Variants in WDPCP observed in about 807,000 individuals in gnomAD.
WDPCP encodes WD repeat-containing and planar cell polarity effector protein fritz homolog.
In WDPCP, 71 loss-of-function variants were observed where a neutral mutation model predicts 93.1. That is an observed-to-expected ratio of 0.76 (90% CI 0.63 to 0.93). The LOEUF (loss-of-function observed/expected upper bound fraction) is 0.93. Among genes scored for constraint, WDPCP ranks in the 40% least tolerant of loss-of-function variants. The pLI is 0.00. For missense variants in WDPCP, 844 were observed against 887.4 expected (o/e 0.95, Z 0.62); for synonymous variants, 315 against 315.0 (o/e 1.00, Z 0.00).
Position 63,575,467 on chromosome 2 carries a change from G to GTATGCACTGTGTATA in WDPCP, c.75+12729_75+12730insTATACACAGTGCATA, listed in dbSNP as rs1558832897. ...TATACACTGTATATACAGTATATAT[G>GTATGCACTGTGTATA]CAGTATATACAGTGTATATATAGTA... On this transcript the variant is annotated intron_variant, in intron 1 of 17. Transcript: ENST00000272321. 2.9e-4 allele frequency among the ~76,000 whole-genome samples: 2 copies of GTATGCACTGTGTATA among 6,842 alleles called. 1 individual carries two copies. The highest frequency in any genetic ancestry group is 5.0e-4 in the Non-Finnish European group (2 of 4,006). 4.5% of individuals were successfully genotyped at this position (6,842 alleles called of 152,430 possible). A position where few individuals can be genotyped will look rare whatever the true frequency, so the allele number is the denominator to read the frequency against.
chr2:63,177,540 T>C (rs1673906055), intron 14 of WDPCP, among the ~76,000 whole-genome samples: 1 of 152,198 alleles, frequency 6.6e-6, no homozygotes, highest in African/African-American at 2.4e-5. Context: ...GATTGCTCAT[T>C]TTTAGTGTCA....
intron 12 of WDPCP, among the ~76,000 whole-genome samples, chr2:63,328,278 G>A (rs550748593): frequency 2.4e-5 from 3 of 127,482 alleles, no homozygotes; most frequent in South Asian, 2.6e-4. Context: ...CAGGCCACCC[G>A]AGCCAGCAGT....
At chr2:63,836,211 A>G in the WDPCP span, among the ~76,000 whole-genome samples, 1 of 152,218 alleles carries the variant, frequency 6.6e-6, no homozygotes, top group Non-Finnish European at 1.5e-5. Flanking sequence ...CTTAAAATAC[A>G]TTCCCTGAGA....
At chr2:63,384,141 G>A (rs2104927618) in intron 10 of WDPCP, among the ~76,000 whole-genome samples, 1 of 152,094 alleles carries the variant, frequency 6.6e-6, no homozygotes, top group South Asian at 2.1e-4. Context: ...TTGAATTAAA[G>A]TAAGACCCAA....
At chr2:63,273,829 A>ACACG (rs1682860785) in intron 13 of WDPCP, among the ~76,000 whole-genome samples, 2 of 150,224 alleles carry the variant, frequency 1.3e-5, no homozygotes, top group Admixed American at 1.3e-4. Flanking sequence ...ACACACACGC[A>ACACG]CACACACACA....
At chr2:63,209,676 G>C (rs1243548002) in intron 14 of WDPCP, among the ~76,000 whole-genome samples, 1 of 152,122 alleles carries the variant, frequency 6.6e-6, no homozygotes, top group Non-Finnish European at 1.5e-5. Context: ...GAGGTTCCAG[G>C]GGATTAAAAT....
chr2:63,294,985 T>C (rs1684734942), intron 13 of WDPCP, among the ~76,000 whole-genome samples: 1 of 152,168 alleles, frequency 6.6e-6, no homozygotes, highest in African/African-American at 2.4e-5. Flanking sequence ...TGTAACAAAG[T>C]AGTTTTGTGA....
intron 1 of WDPCP, among the ~76,000 whole-genome samples, chr2:63,503,786 C>A (rs557661485): frequency 5.9e-5 from 9 of 151,412 alleles, no homozygotes; most frequent in African/African-American, 2.2e-4. Context: ...AAAATAAAGG[C>A]AAGAGAACAC....
chr2:63,332,092 A>T (rs1002908690), intron 12 of WDPCP, among the ~76,000 whole-genome samples: 1 of 150,470 alleles, frequency 6.6e-6, no homozygotes, highest in African/African-American at 2.4e-5. Context: ...ACATATATAT[A>T]TGTGTGTGTG....
rs767629131 is a variant in WDPCP, at chr2:63,174,844, G to T, written c.1916-12C>A. ...GGGTCCCAGGAGTTCTGTTGAAAAT[G>T]ATTAATATGTGAGTGAAATACTAAG... is the stretch of plus-strand genomic sequence containing the variant. On this transcript the variant is annotated splice_polypyrimidine_tract_variant and intron_variant, in intron 14 of 17. Transcript: ENST00000272321. The T allele has an allele frequency of 6.2e-7, 1 of 1,612,748 alleles. No homozygotes were observed. Among genetic ancestry groups the T allele is most frequent in the African/African-American group, 1.3e-5 (1 of 74,988 alleles).
intron 2 of WDPCP, among the ~76,000 whole-genome samples, chr2:63,731,674 A>C (rs751865545): frequency 2.0e-5 from 3 of 152,228 alleles, no homozygotes; most frequent in Non-Finnish European, 4.4e-5. Context: ...GGAACATTAT[A>C]ATGTACAATG....
At chr2:63,343,993 G>A (rs1311922199) in intron 12 of WDPCP, among the ~76,000 whole-genome samples, 1 of 152,022 alleles carries the variant, frequency 6.6e-6, no homozygotes, top group Non-Finnish European at 1.5e-5. Flanking sequence ...TTGATTTTAA[G>A]TCTTTGTCTA....
intron 1 of WDPCP, among the ~76,000 whole-genome samples, chr2:63,553,594 TAA>T (rs1705846517): frequency 6.6e-6 from 1 of 152,174 alleles, no homozygotes; most frequent in African/African-American, 2.4e-5. Flanking sequence ...CTATTTTGTG[TAA>T]ATATTTAAGC....
chr2:63,130,079 A>G (rs1559140443), intron 17 of WDPCP, among the ~76,000 whole-genome samples: 1 of 152,120 alleles, frequency 6.6e-6, no homozygotes, highest in Non-Finnish European at 1.5e-5. Context: ...TACTCTGTTG[A>G]TAGTATCCTT....
intron 2 of WDPCP, among the ~76,000 whole-genome samples, chr2:63,679,161 C>T (rs1253529632): frequency 6.6e-6 from 1 of 152,170 alleles, no homozygotes; most frequent in East Asian, 1.9e-4. Flanking sequence ...TTCCCAATAC[C>T]CCTACTCAAT....
chr2:63,632,524 A>C lies in WDPCP; in HGVS notation n.488+18135T>G, dbSNP rs375178174. ...AACGAGAAGTTCAACAGACAGATAGAAATTATAAAAAAGAAACAGAAATAC... is the reference window on the plus strand; with the variant it reads ...AACGAGAAGTTCAACAGACAGATAGCAATTATAAAAAAGAAACAGAAATAC... On this transcript the variant is annotated intron_variant and non_coding_transcript_variant, in intron 3 of 4. Transcript: ENST00000467687. Among the ~76,000 whole-genome samples, 15 of 152,342 alleles carry C rather than the reference A, an allele frequency of 9.8e-5. No individual in the cohort carries two copies. The South Asian group carries it at 3.1e-3, about 32-fold the overall frequency.
chr2:63,122,792 A>G (rs1669634832), intron 17 of WDPCP, among the ~76,000 whole-genome samples: 1 of 152,174 alleles, frequency 6.6e-6, no homozygotes, highest in South Asian at 2.1e-4. Flanking sequence ...TAGGGATAAC[A>G]GCACTTACAC....
At chr2:63,831,472 C>A (rs905937839), upstream of WDPCP, among the ~76,000 whole-genome samples, 1 of 152,122 alleles carries the variant, frequency 6.6e-6, no homozygotes, top group Non-Finnish European at 1.5e-5. Flanking sequence ...CCACTTGAGA[C>A]ATAAAGAATA....
intron 6 of WDPCP, among the ~76,000 whole-genome samples, chr2:63,474,594 T>G (rs1309946018): frequency 2.6e-5 from 4 of 152,226 alleles, no homozygotes; most frequent in South Asian, 4.1e-4. Flanking sequence ...CTATTTTAAT[T>G]TGTACATTTT....
Sources: gnomAD v4.1 joint callset for allele counts (sites outside exome capture counted in the v4.1 genomes callset) on GRCh38, gnomAD v4.1.1 for gene constraint, MANE v1.5 for transcripts, NCBI Gene and HGNC (gene_info 2026-07-23, HGNC 2026-07-21) for gene names.